LARGE1: variants seen among roughly 807,000 people sequenced by gnomAD.
LARGE1 encodes the protein xylosyl- and glucuronyltransferase LARGE1.
In LARGE1, 43 loss-of-function variants were observed where a neutral mutation model predicts 87.6. The observed-to-expected ratio is 0.49, with a 90% confidence interval of 0.38 to 0.63. The LOEUF (loss-of-function observed/expected upper bound fraction) is 0.63. Ranked by LOEUF, LARGE1 falls within the 30% of genes least tolerant of loss-of-function variation. LARGE1 has a pLI of 0.00. For missense variants in LARGE1, 802 were observed against 1,000.2 expected (o/e 0.80, Z 2.67); for synonymous variants, 434 against 394.6 (o/e 1.10, Z -1.18).
chr22:33,557,863 G>A (rs1336591884), intron 6 of LARGE1, among the ~76,000 whole-genome samples: 1 of 152,092 alleles, frequency 6.6e-6, no homozygotes, highest in Non-Finnish European at 1.5e-5. Context: ...CACTAAGCCC[G>A]GCCCAGGAGA....
At chr22:33,603,188 G>T (rs2079157495) in intron 5 of LARGE1, among the ~76,000 whole-genome samples, 1 of 152,150 alleles carries the variant, frequency 6.6e-6, no homozygotes, top group Non-Finnish European at 1.5e-5. Flanking sequence ...CAGAAACTCT[G>T]GCTGGCATGT....
chr22:33,089,388 CTCTTCTTCTTCTT>C, the LARGE1 span, among the ~76,000 whole-genome samples: 1 of 66,500 alleles, frequency 1.5e-5, no homozygotes, highest in East Asian at 5.5e-4. Context: ...CTTCTTCTTC[CTCTTCTTCTTCTT>C]TCTTCTTCTT....
rs774240856 is a variant in LARGE1 at position 33,650,602 on chromosome 22, C to T, written c.173G>A (p.Ser58Asn). 10 of 1,604,802 alleles carry T rather than the reference C, an allele frequency of 6.2e-6. No homozygotes were observed. In the Admixed American group the frequency reaches 1.7e-4, roughly 27 times the overall value. Reference protein sequence around the residue: ...QAHSPRYTASSQRERESLEVR... With the variant: ...QAHSPRYTASNQRERESLEVR... ...CTCCAGGCTCTCGCGCTCCCGCTGG[C>T]TGGAGGCCGTGTACCTGGGGCTGTG... The change falls in exon 3 of 15, where the codon AGC becomes AAC. Residue 58 changes from serine to asparagine, a missense_variant. Ser to Asn is a conservative substitution (Grantham distance 46). Around this residue, in one of 2 missense-constraint regions of LARGE1, gnomAD observed 177 missense variants for 158.3 expected, o/e 1.12. Transcript: ENST00000397394.
intron 1 of LARGE1, among the ~76,000 whole-genome samples, chr22:33,817,971 T>C (rs970608022): frequency 2.0e-5 from 3 of 151,968 alleles, no homozygotes; most frequent in African/African-American, 7.3e-5. Flanking sequence ...AGCATGGTGG[T>C]GCAGGCAGCT....
intron 10 of LARGE1, among the ~76,000 whole-genome samples, chr22:33,334,857 C>T (rs987366339): frequency 6.6e-6 from 1 of 152,238 alleles, no homozygotes; most frequent in African/African-American, 2.4e-5. Context: ...CGGCTCCTGG[C>T]AGATGGCCAG....
chr22:33,631,725 A>G (rs1046435890), intron 3 of LARGE1, among the ~76,000 whole-genome samples: 6 of 152,268 alleles, frequency 3.9e-5, no homozygotes, highest in African/African-American at 1.4e-4. Context: ...TAATGATAGT[A>G]TGATAAATAC....
At chr22:33,357,874 C>A (rs1038601639) in intron 9 of LARGE1, among the ~76,000 whole-genome samples, 1 of 152,174 alleles carries the variant, frequency 6.6e-6, no homozygotes, top group Non-Finnish European at 1.5e-5. Flanking sequence ...TATGTATTGT[C>A]CCTTTTAATC....
In LARGE1 at chr22:33,304,571, G is replaced by A. The variant is rs74507820; in HGVS notation, c.1452-64C>T. ...CATCCATGCATCATCCGCCGGGCCT[G>A]TTGTGGGGCTCTGCCTCCAGTGACA... On this transcript the variant is annotated intron_variant, in intron 11 of 14. Coordinates refer to ENST00000397394, the MANE Select transcript of LARGE1 (RefSeq NM_133642.5). 2.4e-4 allele frequency: 347 copies of A among 1,474,920 alleles called. 1 individual carries two copies. The African/African-American group carries it at 4.4e-3, about 19-fold the overall frequency. The allele number at this position is 1,474,920 out of a possible 1,614,324, so 91.4% of individuals were successfully genotyped here.
chr22:33,343,190 G>A (rs892858377), intron 9 of LARGE1, among the ~76,000 whole-genome samples: 13 of 152,102 alleles, frequency 8.5e-5, no homozygotes, highest in Non-Finnish European at 1.8e-4. Context: ...GTACAGTGGT[G>A]CAATCTGGGC....
intron 2 of LARGE1, among the ~76,000 whole-genome samples, chr22:33,721,333 A>G (rs775286044): frequency 7.2e-5 from 11 of 152,236 alleles, no homozygotes; most frequent in Non-Finnish European, 1.5e-4. Context: ...TCATTCATAG[A>G]ATATGGGCAA....
At chr22:33,279,726 G>A (rs1251377460) in intron 13 of LARGE1, among the ~76,000 whole-genome samples, 3 of 152,234 alleles carry the variant, frequency 2.0e-5, no homozygotes, top group Admixed American at 2.0e-4. Context: ...GATATTGCGG[G>A]AGATGTCAAT....
intron 6 of LARGE1, among the ~76,000 whole-genome samples, chr22:33,497,637 A>G (rs1251768313): frequency 6.6e-6 from 1 of 152,244 alleles, no homozygotes; most frequent in East Asian, 1.9e-4. Context: ...CAAAGTGTCC[A>G]GTATATGTTC....
At chr22:33,663,980 C>T (rs761046865) in intron 2 of LARGE1, among the ~76,000 whole-genome samples, 4 of 152,182 alleles carry the variant, frequency 2.6e-5, no homozygotes, top group Non-Finnish European at 5.9e-5. Flanking sequence ...TGAGTTGGCT[C>T]CTTCTCTTCT....
chr22:33,763,997 A>G (rs71313183), intron 1 of LARGE1, among the ~76,000 whole-genome samples: 1 of 151,624 alleles, frequency 6.6e-6, no homozygotes, highest in East Asian at 2.0e-4. Flanking sequence ...TTACAGGCAC[A>G]CGCCACCACG....
At chr22:33,616,521 G>C (rs2079586158) in intron 4 of LARGE1, among the ~76,000 whole-genome samples, 1 of 151,198 alleles carries the variant, frequency 6.6e-6, no homozygotes. Context: ...AATGGAGCAA[G>C]ACTCTGTCTC....
chr22:33,755,232 A>G (rs1392682088), intron 2 of LARGE1, among the ~76,000 whole-genome samples: 2 of 152,176 alleles, frequency 1.3e-5, no homozygotes, highest in African/African-American at 4.8e-5. Flanking sequence ...GAATGACAAA[A>G]CAGGGGTGCA....
intron 6 of LARGE1, among the ~76,000 whole-genome samples, chr22:33,512,803 C>T (rs1275465482): frequency 6.6e-6 from 1 of 152,122 alleles, no homozygotes; most frequent in Non-Finnish European, 1.5e-5. Flanking sequence ...AACTCCATCT[C>T]AAAAATAAAT....
chr22:33,280,957 A>C (rs1004505204), intron 13 of LARGE1, among the ~76,000 whole-genome samples: 1 of 152,346 alleles, frequency 6.6e-6, no homozygotes, highest in African/African-American at 2.4e-5. Flanking sequence ...CCACTGGTCC[A>C]GGGACCGCAT....
At chr22:33,363,481 A>T (rs2064461482) in intron 9 of LARGE1, among the ~76,000 whole-genome samples, 1 of 149,390 alleles carries the variant, frequency 6.7e-6, no homozygotes, top group Non-Finnish European at 1.5e-5. Flanking sequence ...CCACAAGAAC[A>T]GTATGGGGAA....
Sources: allele counts gnomAD v4.1 joint callset (sites outside exome capture counted in the v4.1 genomes callset), GRCh38; gene constraint gnomAD v4.1.1; regional missense constraint gnomAD v4.1.1; transcripts MANE v1.5; gene names NCBI Gene and HGNC (gene_info 2026-07-23, HGNC 2026-07-21).